The following HACD3 variants were observed in gnomAD, a reference collection of about 807,000 sequenced individuals.
HACD3 encodes 3-hydroxyacyl-CoA dehydratase 3.
A neutral mutation model predicts 55.2 loss-of-function variants in HACD3; 30 were observed. The observed-to-expected ratio is 0.54, with a 90% CI of 0.41 to 0.74. HACD3 has a LOEUF of 0.74. HACD3 is among the 30% of genes least tolerant of loss of function. The pLI, the probability that HACD3 is intolerant of heterozygous loss-of-function variation, is 0.00. For synonymous variants in HACD3, 141 were observed against 151.7 expected (o/e 0.93, Z 0.52); for missense variants, 363 against 440.1 (o/e 0.82, Z 1.57).
At chr15:65,544,965 G>A (rs1373491767) in intron 1 of HACD3, among the ~76,000 whole-genome samples, 3 of 151,490 alleles carry the variant, frequency 2.0e-5, no homozygotes, top group Non-Finnish European at 4.4e-5. Flanking sequence ...AGGTTGCGGT[G>A]AGCCGAGATG....
chr15:65,563,221 A>G (rs1374406177), intron 6 of HACD3, among the ~76,000 whole-genome samples: 1 of 152,150 alleles, frequency 6.6e-6, no homozygotes, highest in Middle Eastern at 3.2e-3. Flanking sequence ...TCCAGTGCCA[A>G]AGTTATGCAA....
At chr15:65,576,091 C>T (rs1464603984) in intron 10 of HACD3, among the ~76,000 whole-genome samples, 2 of 152,088 alleles carry the variant, frequency 1.3e-5, no homozygotes, top group Admixed American at 6.6e-5. Flanking sequence ...GAGACCCTGT[C>T]GCAATAAATA....
intron 1 of HACD3, among the ~76,000 whole-genome samples, chr15:65,535,548 G>A (rs934288540): frequency 1.3e-5 from 2 of 152,156 alleles, no homozygotes; most frequent in Non-Finnish European, 2.9e-5. Context: ...GAAGGTTGTG[G>A]CAACAAAGTC....
Position 65,572,227 on chromosome 15 carries a change from G to GTTTTCA in HACD3, c.881-7_881-2dup. ...TTGCTTCTAACAAGTTCTTGTTTCT[G>GTTTTCA]TTTTCAGCTGTCTCAGTGATTCAGT... On this transcript the variant is annotated splice_polypyrimidine_tract_variant and splice_region_variant and intron_variant, in intron 9 of 10. Coordinates refer to ENST00000261875, the MANE Select transcript of HACD3 (RefSeq NM_016395.4). The GTTTTCA allele has an allele frequency of 6.2e-7, 1 of 1,610,658 alleles. No individual in the cohort carries two copies. Among genetic ancestry groups the GTTTTCA allele is most frequent in the South Asian group, 1.1e-5 (1 of 89,792 alleles).
chr15:65,540,711 G>A (rs2072011927), intron 1 of HACD3, among the ~76,000 whole-genome samples: 1 of 152,194 alleles, frequency 6.6e-6, no homozygotes, highest in African/African-American at 2.4e-5. Flanking sequence ...AGGAGCTTGG[G>A]TTTTATTGTA....
chr15:65,534,221 C>G (rs1279307826), intron 1 of HACD3: 1 of 152,234 alleles, frequency 6.6e-6, no homozygotes, highest in Non-Finnish European at 1.5e-5. Context: ...GCATGACCCA[C>G]AGCTTATGTG....
chr15:65,535,698 CTTT>C (rs746107738), intron 1 of HACD3: 527 of 414,176 alleles, frequency 1.3e-3, no homozygotes, highest in South Asian at 6.2e-3. Flanking sequence ...TTGATGTTAA[CTTT>C]TTTTTTTTTT....
At position 65,537,781 on chromosome 15, in the gene HACD3, AGACT is replaced by A. The variant is rs569763121; in HGVS notation, c.87+7064_87+7067del. Among the ~76,000 whole-genome samples, 343 of 52,440 alleles carry A rather than the reference AGACT, an allele frequency of 6.5e-3. 5 individuals carry two copies. Among genetic ancestry groups the A allele is most frequent in the African/African-American group, 0.026 (327 of 12,660 alleles). 34.4% of individuals were successfully genotyped at this position (52,440 alleles called of 152,430 possible). ...GCACTCCAGCCTGGGCAATAGAGAG[AGACT>A]CTGTCTCAAAAAAAAAAAAAAAAAG... On this transcript the variant is annotated intron_variant, in intron 1 of 10. Transcript: ENST00000261875.
Position 65,564,283 on chromosome 15 carries a change from G to A in HACD3, c.601G>A (p.Glu201Lys). 1.2e-6 allele frequency: 2 copies of A among 1,613,950 alleles called. No homozygotes were observed. The highest frequency in any genetic ancestry group is 1.3e-5 in the African/African-American group (1 of 75,044). ...TTTCTGCCAGATGCTGGCAGTTGTGGAAACTATCAATGCAGCAATTGGAGT... is the reference window on the plus strand; with the variant it reads ...TTTCTGCCAGATGCTGGCAGTTGTGAAAACTATCAATGCAGCAATTGGAGT... ...MYFCQMLAVV[E>K]TINAAIGVTT... The change falls in exon 7 of 11, where the codon GAA (glutamate) becomes AAA (lysine). Residue 201 changes from glutamate (E) to lysine (K), a missense_variant. By Grantham distance (56) the Glu-to-Lys change is moderately conservative. Transcript: ENST00000261875.
intron 1 of HACD3, among the ~76,000 whole-genome samples, chr15:65,546,931 A>G (rs898238600): frequency 6.6e-6 from 1 of 152,238 alleles, no homozygotes; most frequent in African/African-American, 2.4e-5. Context: ...CAGCTGGAGA[A>G]TACAGGACAG....
intron 5 of HACD3, 49 bp from the exon 6 acceptor site, chr15:65,562,725 T>C (rs2072255531): frequency 4.4e-6 from 7 of 1,592,696 alleles, no homozygotes; most frequent in Non-Finnish European, 6.0e-6. Flanking sequence ...ACCTGTCTCC[T>C]GCTGGGACTA....
Position 65,544,837 on chromosome 15 carries a change from C to G in HACD3, c.88-6839C>G, listed in dbSNP as rs181710608. Among the ~76,000 whole-genome samples the G allele has an allele frequency of 1.6e-3, 243 of 152,184 alleles. 1 individual carries two copies. The highest frequency in any genetic ancestry group is 5.4e-3 in the African/African-American group (226 of 41,534). ...GGGAGTTTGAGACCAACCTGACTAA[C>G]ATGGAGAAACCCTGTCTCTACTAAA... On this transcript the variant is annotated intron_variant, in intron 1 of 10. Transcript: ENST00000261875.
chr15:65,533,755 A>AG (rs1012046815), intron 1 of HACD3, among the ~76,000 whole-genome samples: 21 of 151,022 alleles, frequency 1.4e-4, no homozygotes, highest in African/African-American at 4.4e-4. Flanking sequence ...AAAAAAAAAA[A>AG]AAAGAAAGAA....
At chr15:65,556,522 G>C (rs1189126433) in intron 3 of HACD3, among the ~76,000 whole-genome samples, 1 of 152,094 alleles carries the variant, frequency 6.6e-6, no homozygotes, top group Non-Finnish European at 1.5e-5. Flanking sequence ...AGCTCCTCCT[G>C]TGTGGCCCGA....
At chr15:65,535,750 C>A in intron 1 of HACD3, 1 of 598,948 alleles carries the variant, frequency 1.7e-6, no homozygotes, top group Non-Finnish European at 3.1e-6. Flanking sequence ...GGTTGGAGTG[C>A]AGCAGTGTGA....
intron 1 of HACD3, among the ~76,000 whole-genome samples, chr15:65,542,090 G>A (rs1291664004): frequency 7.3e-5 from 11 of 151,544 alleles, no homozygotes; most frequent in South Asian, 6.3e-4. Context: ...TTAGCTGGGC[G>A]TGGTGGCATG....
At chr15:65,554,835 G>T in intron 2 of HACD3, 52 bp from the exon 3 acceptor site, 2 of 1,346,712 alleles carry the variant, frequency 1.5e-6, no homozygotes, top group South Asian at 2.4e-5. Flanking sequence ...CTGGCTTTTG[G>T]ATGGCCTTGC....
At chr15:65,547,205 C>G (rs900730981) in intron 1 of HACD3, among the ~76,000 whole-genome samples, 3 of 152,130 alleles carry the variant, frequency 2.0e-5, no homozygotes, top group African/African-American at 7.2e-5. Flanking sequence ...CAACCTCCGC[C>G]TCCTGGGTTC....
At chr15:65,555,018 T>C (rs2072174803) in intron 3 of HACD3, 58 bp downstream of exon 3, 1 of 1,318,282 alleles carries the variant, frequency 7.6e-7, no homozygotes, top group Non-Finnish European at 1.1e-6. Context: ...ACCAGTAGTT[T>C]AGTGAAATGG....
Sources: gnomAD v4.1 joint callset for allele counts (sites outside exome capture counted in the v4.1 genomes callset) on GRCh38, gnomAD v4.1.1 for gene constraint, MANE v1.5 for transcripts, NCBI Gene and HGNC (gene_info 2026-07-23, HGNC 2026-07-21) for gene names.